ADAMTS6: variants seen among roughly 807,000 people sequenced by gnomAD.
ADAMTS6 encodes the protein A disintegrin and metalloproteinase with thrombospondin motifs 6.
Under a neutral mutation model 144.3 loss-of-function variants are expected in ADAMTS6, and 23 were observed. The ratio of observed to expected loss-of-function variants is 0.16; its 90% CI spans 0.11 to 0.23. ADAMTS6 has a LOEUF of 0.23. Among genes scored for constraint, ADAMTS6 ranks in the 10% least tolerant of loss-of-function variants. ADAMTS6 has a pLI of 1.00. For missense variants in ADAMTS6, 999 were observed against 1,379.6 expected (o/e 0.72, Z 4.37); for synonymous variants, 444 against 457.5 (o/e 0.97, Z 0.38).
intron 1 of ADAMTS6, among the ~76,000 whole-genome samples, chr5:65,479,488 A>G (rs961343469): frequency 6.6e-6 from 1 of 152,246 alleles, no homozygotes; most frequent in African/African-American, 2.4e-5. Context: ...TCTGTATTAT[A>G]AATTTTTTCT....
chr5:65,345,542 C>A (rs1748237689), intron 7 of ADAMTS6, among the ~76,000 whole-genome samples: 1 of 151,594 alleles, frequency 6.6e-6, no homozygotes, highest in Non-Finnish European at 1.5e-5. Context: ...CAGAGCTTAC[C>A]AGGTATCAGG....
intron 9 of ADAMTS6, among the ~76,000 whole-genome samples, chr5:65,312,886 C>A (rs1397864421): frequency 6.6e-6 from 1 of 151,702 alleles, no homozygotes; most frequent in East Asian, 1.9e-4. Context: ...ATAGTCATTG[C>A]AAAGATAGGG....
At chr5:65,288,967 G>C (rs143091661) in intron 11 of ADAMTS6, among the ~76,000 whole-genome samples, 1 of 152,148 alleles carries the variant, frequency 6.6e-6, no homozygotes, top group Non-Finnish European at 1.5e-5. Flanking sequence ...TGTGTAAACC[G>C]ACACAAGTTC....
intron 18 of ADAMTS6, among the ~76,000 whole-genome samples, chr5:65,216,300 T>C (rs1756912058): frequency 6.6e-6 from 1 of 151,994 alleles, no homozygotes; most frequent in African/African-American, 2.4e-5. Flanking sequence ...GTGATGAAAC[T>C]CAAAAACATT....
At chr5:65,442,388 T>C (rs2150233985) in intron 7 of ADAMTS6, among the ~76,000 whole-genome samples, 1 of 152,270 alleles carries the variant, frequency 6.6e-6, no homozygotes, top group South Asian at 2.1e-4. Flanking sequence ...TATTAAACAA[T>C]TTTAACTGGT....
intron 10 of ADAMTS6, 85 bp downstream of exon 10, chr5:65,299,900 G>T: frequency 7.0e-7 from 1 of 1,430,066 alleles, no homozygotes; most frequent in Non-Finnish European, 9.4e-7. Context: ...TACTCATTAT[G>T]CAAAGTTGAA....
rs561330575 is a variant in ADAMTS6, at chr5:65,404,718, C to T, written c.1073+46757G>A. ...TAGTCCTAGATCCTTGAGGAATCACCACACTGCCTTCCACAATGGTTGAAC... is the reference window on the plus strand; with the variant it reads ...TAGTCCTAGATCCTTGAGGAATCACTACACTGCCTTCCACAATGGTTGAAC... On this transcript the variant is annotated intron_variant, in intron 7 of 24. Transcript: ENST00000381055. 1.8e-4 allele frequency among the ~76,000 whole-genome samples: 28 copies of T among 152,308 alleles called. 1 individual carries two copies. The South Asian group carries it at 5.8e-3, about 32-fold the overall frequency.
intron 22 of ADAMTS6, among the ~76,000 whole-genome samples, chr5:65,175,117 C>T (rs1327003704): frequency 2.0e-5 from 3 of 151,968 alleles, no homozygotes; most frequent in Non-Finnish European, 4.4e-5. Flanking sequence ...CCCCACACCC[C>T]CCTCACCAGT....
Position 65,207,676 on chromosome 5 carries a change from T to C in ADAMTS6, c.2575+7118A>G, listed in dbSNP as rs1388566212. 2.6e-5 allele frequency among the ~76,000 whole-genome samples: 4 copies of C among 152,236 alleles called. No individual in the cohort carries two copies. In the East Asian group the frequency reaches 7.7e-4, roughly 29 times the overall value. Reference sequence around the variant, plus strand: ...CAAAGATTCATTCTCTTAAAGAAAGTAACTTCCTAAAAAATGAAGGTCTTC... The same window carrying C: ...CAAAGATTCATTCTCTTAAAGAAAGCAACTTCCTAAAAAATGAAGGTCTTC... On this transcript the variant is annotated intron_variant, in intron 20 of 24. Transcript: ENST00000381055.
At chr5:65,434,996 G>A (rs969627010) in intron 7 of ADAMTS6, among the ~76,000 whole-genome samples, 3 of 152,102 alleles carry the variant, frequency 2.0e-5, no homozygotes, top group African/African-American at 7.2e-5. Flanking sequence ...ATGCTCATAG[G>A]TAAAAGTCTG....
intron 14 of ADAMTS6, among the ~76,000 whole-genome samples, chr5:65,253,521 C>T (rs79791445): frequency 0.076 from 11,607 of 152,032 alleles, 630 homozygotes; most frequent in Non-Finnish European, 0.12. Context: ...ATTTATAAGA[C>T]CATTCAATAT....
At chr5:65,442,633 T>TA (rs942019307) in intron 7 of ADAMTS6, among the ~76,000 whole-genome samples, 30 of 149,186 alleles carry the variant, frequency 2.0e-4, no homozygotes, top group Admixed American at 6.7e-4. Context: ...AATATAAATC[T>TA]AAAAAAAAAA....
intron 21 of ADAMTS6, among the ~76,000 whole-genome samples, chr5:65,191,072 T>C (rs774762270): frequency 2.0e-5 from 3 of 152,132 alleles, no homozygotes; most frequent in Non-Finnish European, 2.9e-5. Flanking sequence ...AAATTCTCTC[T>C]GGGAATATAA....
intron 22 of ADAMTS6, among the ~76,000 whole-genome samples, chr5:65,179,952 G>GCA (rs1310550201): frequency 0.017 from 1,464 of 83,700 alleles, 21 homozygotes; most frequent in African/African-American, 0.071. Context: ...ACATGTGCAC[G>GCA]CACGCGCACA....
chr5:65,197,276 G>T, intron 20 of ADAMTS6, 125 bp from the exon 21 acceptor site: 2 of 838,350 alleles, frequency 2.4e-6, no homozygotes, highest in Non-Finnish European at 1.7e-6. Flanking sequence ...GTTCCACATT[G>T]GACTGCTTCT....
chr5:65,253,553 A>G (rs1363399083), intron 14 of ADAMTS6, among the ~76,000 whole-genome samples: 1 of 152,166 alleles, frequency 6.6e-6, no homozygotes, highest in Non-Finnish European at 1.5e-5. Flanking sequence ...ATAGTATTAA[A>G]TTATGTAAAA....
chr5:65,294,739 T>C (rs1742664939), intron 10 of ADAMTS6, among the ~76,000 whole-genome samples: 1 of 152,312 alleles, frequency 6.6e-6, no homozygotes, highest in African/African-American at 2.4e-5. Context: ...AAGACATAAA[T>C]GTGAGCAATG....
At chr5:65,284,789 A>G (rs1763239934) in intron 11 of ADAMTS6, among the ~76,000 whole-genome samples, 1 of 152,098 alleles carries the variant, frequency 6.6e-6, no homozygotes, top group Non-Finnish European at 1.5e-5. Context: ...TGAAGTCTTA[A>G]AGTTATGTCA....
At chr5:65,301,087 T>C (rs914367229) in intron 9 of ADAMTS6, among the ~76,000 whole-genome samples, 1 of 152,198 alleles carries the variant, frequency 6.6e-6, no homozygotes, top group African/African-American at 2.4e-5. Flanking sequence ...TAAAATATTT[T>C]GTTTGTCATT....
Sources: gnomAD v4.1 joint callset for allele counts (sites outside exome capture counted in the v4.1 genomes callset) on GRCh38, gnomAD v4.1.1 for gene constraint, MANE v1.5 for transcripts, NCBI Gene and HGNC (gene_info 2026-07-23, HGNC 2026-07-21) for gene names.